The following CD226 variants were observed in gnomAD, a reference collection of about 807,000 sequenced individuals.
CD226 encodes the protein CD226 molecule.
In CD226, 24 loss-of-function variants were observed where a neutral mutation model predicts 34.9. The ratio of observed to expected loss-of-function variants is 0.69; its 90% confidence interval spans 0.50 to 0.97. The LOEUF (loss-of-function observed/expected upper bound fraction) is 0.97. CD226 is among the 50% of genes least tolerant of loss of function. CD226 has a pLI of 0.00. For missense variants in CD226, 397 were observed against 412.7 expected (o/e 0.96, Z 0.33); for synonymous variants, 148 against 147.4 (o/e 1.00, Z -0.03).
chr18:69,880,101 TAATA>T (rs1984126782), intron 3 of CD226, among the ~76,000 whole-genome samples: 1 of 151,442 alleles, frequency 6.6e-6, no homozygotes, highest in Non-Finnish European at 1.5e-5. Flanking sequence ...GTAGGTTCAG[TAATA>T]AATATGTGAG....
At chr18:69,919,815 G>A (rs2055429391) in intron 2 of CD226, among the ~76,000 whole-genome samples, 1 of 151,960 alleles carries the variant, frequency 6.6e-6, no homozygotes, top group Non-Finnish European at 1.5e-5. Context: ...TTTCAAAAAA[G>A]AGTCGGTTAC....
At chr18:69,877,069 A>T (rs980306456) in intron 3 of CD226, among the ~76,000 whole-genome samples, 5 of 151,844 alleles carry the variant, frequency 3.3e-5, no homozygotes, top group Non-Finnish European at 7.4e-5. Context: ...TCACCATGTT[A>T]GTCAGGCTGG....
At chr18:69,913,207 T>A (rs2055346813) in intron 2 of CD226, among the ~76,000 whole-genome samples, 1 of 151,896 alleles carries the variant, frequency 6.6e-6, no homozygotes, top group South Asian at 2.1e-4. Context: ...CCAATAGCAG[T>A]GGAGAAGAGA....
chr18:69,923,231 GAA>G (rs1188862921), intron 2 of CD226, among the ~76,000 whole-genome samples: 3 of 149,354 alleles, frequency 2.0e-5, no homozygotes, highest in Non-Finnish European at 4.5e-5. Flanking sequence ...AAGAGAGAGA[GAA>G]AGAAAGAGAG....
At chr18:69,937,086 C>T (rs921284699) in intron 2 of CD226, among the ~76,000 whole-genome samples, 1 of 152,132 alleles carries the variant, frequency 6.6e-6, no homozygotes. Flanking sequence ...GTGCAAATAC[C>T]GTAAGATAGG....
At chr18:69,919,402 A>T (rs184553295) in intron 2 of CD226, among the ~76,000 whole-genome samples, 2 of 152,358 alleles carry the variant, frequency 1.3e-5, no homozygotes, top group East Asian at 3.8e-4. Flanking sequence ...AATATTGTCA[A>T]AAGAAGTCTT....
chr18:69,866,593 G>A (rs1319893118), intron 5 of CD226, among the ~76,000 whole-genome samples: 3 of 152,068 alleles, frequency 2.0e-5, no homozygotes, highest in Non-Finnish European at 4.4e-5. Context: ...TGCTTGCTAC[G>A]CTTCTGGTTC....
intron 3 of CD226, among the ~76,000 whole-genome samples, chr18:69,887,136 G>C (rs1413016280): frequency 3.3e-5 from 5 of 152,152 alleles, no homozygotes; most frequent in Admixed American, 3.3e-4. Flanking sequence ...CAATATAAAA[G>C]CAAAATGACT....
intron 3 of CD226, among the ~76,000 whole-genome samples, chr18:69,881,160 G>A (rs1984236732): frequency 6.6e-6 from 1 of 152,132 alleles, no homozygotes. Context: ...AATATTATTT[G>A]TCAACTAAAA....
intron 3 of CD226, among the ~76,000 whole-genome samples, chr18:69,892,279 CAATAGTAG>C (rs1370132208): frequency 1.3e-5 from 2 of 152,162 alleles, no homozygotes; most frequent in Admixed American, 1.3e-4. Flanking sequence ...TCAGTTTAAA[CAATAGTAG>C]TCTGCAAATC....
At chr18:69,946,049 C>T (rs1014469384) in intron 2 of CD226, among the ~76,000 whole-genome samples, 9 of 151,444 alleles carry the variant, frequency 5.9e-5, no homozygotes, top group East Asian at 1.9e-4. Context: ...TATCACGTGG[C>T]GGTGCACACC....
intron 2 of CD226, among the ~76,000 whole-genome samples, chr18:69,914,913 A>G (rs534995700): frequency 3.3e-5 from 5 of 152,302 alleles, no homozygotes; most frequent in African/African-American, 1.2e-4. Flanking sequence ...TTTTCTAGAA[A>G]TTCTACTCTT....
chr18:69,947,550 G>A lies in CD226; in HGVS notation c.-144C>T, dbSNP rs1252975183. 2 of 485,938 alleles carry A rather than the reference G, an allele frequency of 4.1e-6. No individual in the cohort carries two copies. Among genetic ancestry groups the A allele is most frequent in the African/African-American group, 4.0e-5 (2 of 49,438 alleles). The allele number at this position is 485,938 out of a possible 1,614,324, so 30.1% of individuals were successfully genotyped here. A position where few individuals can be genotyped will look rare whatever the true frequency, so the allele number is the denominator to read the frequency against. ...TTCTTTTTCTGAAGTATGAACACAG[G>A]AAAAAGGCCTTAGCTTAAAAGACAG... On this transcript the variant is annotated 5_prime_UTR_variant, in exon 1 of 6. Transcript: ENST00000582621.
At chr18:69,957,603 G>A (rs143336627), upstream of CD226, among the ~76,000 whole-genome samples, 8 of 152,276 alleles carry the variant, frequency 5.3e-5, no homozygotes, top group East Asian at 1.5e-3. Flanking sequence ...AGACTAGGAA[G>A]GAAGGACGTT....
chr18:69,950,667 G>C (rs947616163), upstream of CD226, among the ~76,000 whole-genome samples: 2 of 152,122 alleles, frequency 1.3e-5, no homozygotes, highest in Non-Finnish European at 2.9e-5. Flanking sequence ...AGACTTTGTG[G>C]AAGTTTTTCA....
intron 5 of CD226, among the ~76,000 whole-genome samples, chr18:69,864,999 G>A (rs1035163511): frequency 2.0e-5 from 3 of 152,102 alleles, no homozygotes; most frequent in African/African-American, 7.2e-5. Flanking sequence ...CCTTAGTGTT[G>A]TTGGTTTTTT....
At chr18:69,885,486 G>A (rs1019181994) in intron 3 of CD226, among the ~76,000 whole-genome samples, 7 of 152,140 alleles carry the variant, frequency 4.6e-5, no homozygotes, top group Non-Finnish European at 8.8e-5. Context: ...AGGAAGGAAG[G>A]GCGTGCTTGG....
chr18:69,887,606 C>T (rs1019207504), intron 3 of CD226, among the ~76,000 whole-genome samples: 6 of 152,104 alleles, frequency 3.9e-5, no homozygotes, highest in Admixed American at 3.3e-4. Flanking sequence ...CACTCACTGT[C>T]CAACATAGCT....
chr18:69,886,575 A>G (rs1410369406), intron 3 of CD226, among the ~76,000 whole-genome samples: 1 of 152,066 alleles, frequency 6.6e-6, no homozygotes, highest in African/African-American at 2.4e-5. Context: ...GCATGGTGGC[A>G]GGTGCCTGTA....
Sources: allele counts gnomAD v4.1 joint callset (sites outside exome capture counted in the v4.1 genomes callset), GRCh38; gene constraint gnomAD v4.1.1; transcripts MANE v1.5; gene names NCBI Gene and HGNC (gene_info 2026-07-23, HGNC 2026-07-21).